AGBL4: variants seen among roughly 807,000 people sequenced by gnomAD.
AGBL4 encodes the protein cytosolic carboxypeptidase 6.
AGBL4 carries 58 observed loss-of-function variants against 66.4 expected under a neutral mutation model. The observed-to-expected ratio is 0.87, with a 90% confidence interval of 0.71 to 1.09. The LOEUF is 1.09. Among genes scored for constraint, AGBL4 ranks in the 50% least tolerant of loss-of-function variants. The probability of loss-of-function intolerance (pLI) is 0.00; values close to 1 mark genes in which losing one functional copy is unlikely to be tolerated. For missense variants in AGBL4, 579 were observed against 631.0 expected (o/e 0.92, Z 0.88); for synonymous variants, 234 against 222.9 (o/e 1.05, Z -0.44).
At chr1:49,190,245 G>A (rs1487849085) in intron 4 of AGBL4, among the ~76,000 whole-genome samples, 1 of 152,168 alleles carries the variant, frequency 6.6e-6, no homozygotes, top group Non-Finnish European at 1.5e-5. Context: ...GCTACAAAAG[G>A]CCTGTGAAAT....
At chr1:49,677,552 T>C (rs144063610) in intron 3 of AGBL4, among the ~76,000 whole-genome samples, 3 of 152,258 alleles carry the variant, frequency 2.0e-5, no homozygotes, top group East Asian at 1.9e-4. Context: ...TTTTATCTTT[T>C]TAACTTGCAC....
intron 3 of AGBL4, among the ~76,000 whole-genome samples, chr1:49,449,125 T>C (rs528012683): frequency 6.6e-6 from 1 of 152,134 alleles, no homozygotes; most frequent in South Asian, 2.1e-4. Context: ...TGATGATATA[T>C]ATAATATCTC....
chr1:49,910,465 C>G (rs1196686080), intron 1 of AGBL4, among the ~76,000 whole-genome samples: 1 of 152,028 alleles, frequency 6.6e-6, no homozygotes, highest in African/African-American at 2.4e-5. Context: ...GTGGTAATAT[C>G]AAGTACAGTA....
intron 1 of AGBL4, among the ~76,000 whole-genome samples, chr1:49,934,639 C>A (rs1557593958): frequency 6.6e-6 from 1 of 151,942 alleles, no homozygotes; most frequent in South Asian, 2.1e-4. Context: ...ATACCAAAAC[C>A]TGTGATGCAA....
intron 3 of AGBL4, among the ~76,000 whole-genome samples, chr1:49,503,124 G>C (rs1234577961): frequency 2.6e-5 from 4 of 152,032 alleles, no homozygotes; most frequent in Non-Finnish European, 5.9e-5. Context: ...CTTGGGACTT[G>C]GTGCCCTGTG....
rs183903802 is a variant in AGBL4, at chr1:49,769,709, G to T, written c.158-72272C>A. On this transcript the variant is annotated intron_variant, in intron 2 of 13. Transcript: ENST00000371839. ...TGAAAAAGCCAACAAAAACGATGGG[G>T]ACAGGACTCCCTATTCAATAAATGG... 1.7e-3 allele frequency among the ~76,000 whole-genome samples: 263 copies of T among 152,224 alleles called. 2 individuals carry two copies. The South Asian group carries it at 0.023, about 14-fold the overall frequency.
intron 3 of AGBL4, among the ~76,000 whole-genome samples, chr1:49,406,807 T>G (rs550482383): frequency 2.0e-4 from 31 of 152,218 alleles, no homozygotes; most frequent in African/African-American, 1.9e-4. Flanking sequence ...GGCTCATGCC[T>G]GTAATCCCAG....
chr1:49,321,018 C>T (rs1468726253), intron 3 of AGBL4, among the ~76,000 whole-genome samples: 1 of 152,132 alleles, frequency 6.6e-6, no homozygotes, highest in African/African-American at 2.4e-5. Flanking sequence ...ATGTTCCAGT[C>T]ACTCCCACAA....
chr1:49,324,271 A>G (rs1000977529), intron 3 of AGBL4, among the ~76,000 whole-genome samples: 3 of 152,254 alleles, frequency 2.0e-5, no homozygotes, highest in African/African-American at 4.8e-5. Flanking sequence ...CTTTAACAAC[A>G]GAAAATTCAT....
At position 49,043,636 on chromosome 1, in the gene AGBL4, G is replaced by A. The variant is rs375627391; in HGVS notation, c.594+1948C>T. Among the ~76,000 whole-genome samples the A allele has an allele frequency of 2.6e-5, 4 of 152,236 alleles. 1 individual carries two copies. Among genetic ancestry groups the A allele is most frequent in the African/African-American group, 9.6e-5 (4 of 41,536 alleles). On this transcript the variant is annotated intron_variant, in intron 5 of 13. Coordinates refer to ENST00000371839, the MANE Select transcript of AGBL4 (RefSeq NM_032785.4). ...GCTGCCATCTGTTTCCTGCTAGCAT[G>A]CTGACTCATATACCATGTATACCAA... is the stretch of plus-strand genomic sequence containing the variant.
chr1:48,764,950 A>G (rs1479380106), intron 6 of AGBL4, among the ~76,000 whole-genome samples: 1 of 152,140 alleles, frequency 6.6e-6, no homozygotes, highest in Non-Finnish European at 1.5e-5. Flanking sequence ...AAGATGGGTG[A>G]CACTCCCCAT....
intron 6 of AGBL4, among the ~76,000 whole-genome samples, chr1:48,813,920 T>C (rs568895538): frequency 1.3e-5 from 2 of 151,844 alleles, no homozygotes; most frequent in African/African-American, 4.8e-5. Context: ...CTCAGCTCAG[T>C]CATGTTATGC....
chr1:49,461,311 T>C lies in AGBL4; in HGVS notation c.283-215447A>G, dbSNP rs577768300. Among the ~76,000 whole-genome samples, 3 of 151,626 alleles carry C rather than the reference T, an allele frequency of 2.0e-5. No individual in the cohort carries two copies. In the South Asian group the frequency reaches 6.2e-4, roughly 31 times the overall value. On this transcript the variant is annotated intron_variant, in intron 3 of 13. Transcript: ENST00000371839. ...TTGTTCATTTAAAATTCTTTTTTTG[T>C]CTTTGATGGACTGGATTAATTAAAA...
chr1:49,258,699 C>T (rs1204053850), intron 3 of AGBL4, among the ~76,000 whole-genome samples: 5 of 152,194 alleles, frequency 3.3e-5, no homozygotes, highest in South Asian at 2.1e-4. Flanking sequence ...CTGAAAGTGA[C>T]GGGGAGAATG....
At chr1:49,442,613 C>A (rs1429853935) in intron 3 of AGBL4, among the ~76,000 whole-genome samples, 1 of 152,200 alleles carries the variant, frequency 6.6e-6, no homozygotes, top group African/African-American at 2.4e-5. Flanking sequence ...GAATAGTATT[C>A]CATTGTGTAC....
intron 3 of AGBL4, among the ~76,000 whole-genome samples, chr1:49,637,468 T>A (rs1048235843): frequency 5.9e-5 from 9 of 151,474 alleles, no homozygotes; most frequent in Non-Finnish European, 1.0e-4. Context: ...GCCCAGCTAA[T>A]TTTTTTGTAT....
intron 3 of AGBL4, among the ~76,000 whole-genome samples, chr1:49,369,388 C>T (rs866842822): frequency 6.6e-6 from 1 of 152,116 alleles, no homozygotes; most frequent in African/African-American, 2.4e-5. Context: ...ATAGATTTAA[C>T]TTCTTGTCTT....
chr1:48,907,916 A>G (rs1054844863), intron 5 of AGBL4, among the ~76,000 whole-genome samples: 5 of 152,134 alleles, frequency 3.3e-5, no homozygotes, highest in African/African-American at 1.2e-4. Flanking sequence ...AAAGGAGGGT[A>G]AAGAGAGAAT....
At position 48,736,299 on chromosome 1, in the gene AGBL4, T is replaced by G. The variant is rs1157343460; in HGVS notation, c.635-73058A>C. On this transcript the variant is annotated intron_variant, in intron 6 of 13. Transcript: ENST00000371839. The surrounding 1 kb of genome is among the most constrained non-coding windows in gnomAD (Gnocchi z 4.0). ...GGTTTAGGGACTGCATCTTTCTTTT[T>G]TTTTGTGGCGACGCCTGTGACGCTT... The G allele has an allele frequency of 1.2e-6, 2 of 1,614,208 alleles. No individual in the cohort carries two copies. The highest frequency in any genetic ancestry group is 1.7e-6 in the Non-Finnish European group (2 of 1,180,024).
Sources: allele counts gnomAD v4.1 joint callset (sites outside exome capture counted in the v4.1 genomes callset), GRCh38; gene constraint gnomAD v4.1.1; non-coding constraint Gnocchi (gnomAD v3.1); transcripts MANE v1.5; gene names NCBI Gene and HGNC (gene_info 2026-07-23, HGNC 2026-07-21).